SHISAL1: variants seen among roughly 807,000 people sequenced by gnomAD.
The protein encoded by SHISAL1 is shisa like 1.
Under a neutral mutation model 22.6 loss-of-function variants are expected in SHISAL1, and 9 were observed. That is an observed-to-expected ratio of 0.40 (90% confidence interval 0.24 to 0.70). SHISAL1 has a LOEUF of 0.70. Among genes scored for constraint, SHISAL1 ranks in the 30% least tolerant of loss-of-function variants. SHISAL1 has a pLI of 0.39. For synonymous variants in SHISAL1, 119 were observed against 115.4 expected (o/e 1.03, Z -0.20); for missense variants, 246 against 270.6 (o/e 0.91, Z 0.64).
intron 4 of SHISAL1, among the ~76,000 whole-genome samples, chr22:44,271,021 G>A (rs2055202326): frequency 6.6e-6 from 1 of 152,148 alleles, no homozygotes; most frequent in Non-Finnish European, 1.5e-5. Context: ...CACTCAGAGT[G>A]GATAGAGACA....
the SHISAL1 span, among the ~76,000 whole-genome samples, chr22:44,318,042 G>A: frequency 6.6e-6 from 1 of 152,248 alleles, no homozygotes; most frequent in African/African-American, 2.4e-5. Context: ...AGCCCCTCCA[G>A]GGGAAGGCCC....
intron 4 of SHISAL1, among the ~76,000 whole-genome samples, chr22:44,266,168 T>G (rs1447894148): frequency 6.6e-6 from 1 of 152,226 alleles, no homozygotes; most frequent in East Asian, 1.9e-4. Context: ...AGTTTACTCA[T>G]CTGCTACATG....
chr22:44,292,195 G>A (rs2055357483), intron 3 of SHISAL1, among the ~76,000 whole-genome samples: 3 of 152,136 alleles, frequency 2.0e-5, no homozygotes, highest in Admixed American at 6.5e-5. Context: ...GGCGGGGCGG[G>A]GGTCGGGGGA....
At chr22:44,287,841 C>T (rs905579539) in intron 3 of SHISAL1, among the ~76,000 whole-genome samples, 1 of 152,110 alleles carries the variant, frequency 6.6e-6, no homozygotes, top group African/African-American at 2.4e-5. Context: ...CTGCTTTCCC[C>T]AGCACCCTCC....
intron 3 of SHISAL1, among the ~76,000 whole-genome samples, chr22:44,288,284 G>A (rs1386604709): frequency 2.6e-5 from 4 of 152,160 alleles, no homozygotes; most frequent in Non-Finnish European, 4.4e-5. Context: ...CTAGAGTTGC[G>A]CTCCTCACCA....
chr22:44,298,075 C>T (rs2055400072), intron 2 of SHISAL1, among the ~76,000 whole-genome samples: 1 of 152,236 alleles, frequency 6.6e-6, no homozygotes, highest in South Asian at 2.1e-4. Context: ...ACACCCCTTC[C>T]CCCACAGACA....
At chr22:44,289,417 C>G (rs1447032359) in intron 3 of SHISAL1, among the ~76,000 whole-genome samples, 1 of 152,082 alleles carries the variant, frequency 6.6e-6, no homozygotes, top group Non-Finnish European at 1.5e-5. Flanking sequence ...GAGGGCGAGT[C>G]CCTGTCCTCC....
At position 44,244,668 on chromosome 22, in the gene SHISAL1, G is replaced by A. The variant is rs2054983257; in HGVS notation, c.*5017C>T. On this transcript the variant is annotated 3_prime_UTR_variant, in exon 5 of 5. Transcript: ENST00000381176. ...TCATTTTGTGAATCTGAGCATGTCT[G>A]TTAGGCACAACTAGCCGTTTCACAA... 6.6e-6 allele frequency: 1 copy of A among 152,174 alleles called. No individual in the cohort carries two copies. The highest frequency in any genetic ancestry group is 2.1e-4 in the South Asian group (1 of 4,834). The allele number at this position is 152,174 out of a possible 1,614,324, so 9.4% of individuals were successfully genotyped here.
chr22:44,279,710 G>A (rs1016442295), intron 4 of SHISAL1, among the ~76,000 whole-genome samples: 4 of 152,198 alleles, frequency 2.6e-5, no homozygotes, highest in Non-Finnish European at 4.4e-5. Context: ...CGCCCCTGCT[G>A]GGCTCCTGTC....
chr22:44,320,165 C>A, the SHISAL1 span, among the ~76,000 whole-genome samples: 2 of 152,080 alleles, frequency 1.3e-5, no homozygotes, highest in Non-Finnish European at 2.9e-5. Flanking sequence ...GGCAGAGACA[C>A]CTTAACCTTG....
At chr22:44,291,836 G>A (rs1482678975) in intron 3 of SHISAL1, among the ~76,000 whole-genome samples, 1 of 152,104 alleles carries the variant, frequency 6.6e-6, no homozygotes, top group Non-Finnish European at 1.5e-5. Context: ...CCACACGGAG[G>A]CTTCCACAGA....
At chr22:44,272,759 T>C (rs545127821) in intron 4 of SHISAL1, among the ~76,000 whole-genome samples, 3 of 152,268 alleles carry the variant, frequency 2.0e-5, no homozygotes, top group Admixed American at 6.5e-5. Flanking sequence ...CTGGCTACCA[T>C]TGCCCTGGGT....
intron 4 of SHISAL1, among the ~76,000 whole-genome samples, chr22:44,263,088 T>C (rs1049088093): frequency 1.4e-4 from 20 of 145,162 alleles, no homozygotes; most frequent in South Asian, 6.9e-4. Flanking sequence ...TCTTTTTTTT[T>C]TTTTTTTTTT....
At chr22:44,286,451 G>A (rs2055316305) in intron 3 of SHISAL1, among the ~76,000 whole-genome samples, 1 of 152,172 alleles carries the variant, frequency 6.6e-6, no homozygotes, top group Admixed American at 6.5e-5. Context: ...GAAGCCCGCT[G>A]TGAAGCCTGG....
At chr22:44,266,376 GGT>G (rs1051426369) in intron 4 of SHISAL1, among the ~76,000 whole-genome samples, 1 of 151,192 alleles carries the variant, frequency 6.6e-6, no homozygotes, top group African/African-American at 2.4e-5. Flanking sequence ...GAGGCAGTGG[GGT>G]GTGTTTGTGT....
At chr22:44,307,626 G>A (rs1326499712) in intron 1 of SHISAL1, among the ~76,000 whole-genome samples, 2 of 152,152 alleles carry the variant, frequency 1.3e-5, no homozygotes, top group Non-Finnish European at 1.5e-5. Context: ...CTGAACGCTC[G>A]TTGTTTGACC....
chr22:44,269,570 A>C (rs2748863), intron 4 of SHISAL1, among the ~76,000 whole-genome samples: 78,423 of 147,832 alleles, frequency 0.53, 22,150 homozygotes, highest in Non-Finnish European at 0.65. Flanking sequence ...CACACACTAC[A>C]CCATGCCAGA....
At chr22:44,301,303 C>G (rs111394530) in intron 1 of SHISAL1, among the ~76,000 whole-genome samples, 1 of 152,168 alleles carries the variant, frequency 6.6e-6, no homozygotes, top group Non-Finnish European at 1.5e-5. Flanking sequence ...TGAGGATGCC[C>G]GGGCTGGCCC....
intron 4 of SHISAL1, among the ~76,000 whole-genome samples, chr22:44,281,425 T>TGTGA (rs1349680685): frequency 1.3e-5 from 2 of 151,960 alleles, no homozygotes; most frequent in East Asian, 3.9e-4. Flanking sequence ...AGTGTGTGTG[T>TGTGA]GTGAGTGTGT....
Sources: allele counts gnomAD v4.1 joint callset (sites outside exome capture counted in the v4.1 genomes callset), GRCh38; gene constraint gnomAD v4.1.1; transcripts MANE v1.5; gene names NCBI Gene and HGNC (gene_info 2026-07-23, HGNC 2026-07-21).